Variants in ZNF717 observed in about 807,000 individuals in gnomAD.
ZNF717 encodes zinc finger protein 717.
ZNF717 carries 9 observed loss-of-function variants against 13.8 expected under a neutral mutation model. That is an observed-to-expected ratio of 0.65 (90% CI 0.39 to 1.14). The LOEUF (loss-of-function observed/expected upper bound fraction) is 1.14, where lower values mean the gene tolerates loss of function less well. Among genes scored for constraint, ZNF717 ranks in the 50% most tolerant of loss-of-function variants. ZNF717 has a pLI of 0.01. For missense variants in ZNF717, 1,040 were observed against 1,080.7 expected (o/e 0.96, Z 0.53); for synonymous variants, 327 against 364.1 (o/e 0.90, Z 1.16).
intron 2 of ZNF717, among the ~76,000 whole-genome samples, chr3:75,754,144 C>A (rs1181258209): frequency 6.6e-6 from 1 of 152,242 alleles, no homozygotes; most frequent in Non-Finnish European, 1.5e-5. Flanking sequence ...GACTTTCCAG[C>A]CTCCAGATCT....
chr3:75,733,778 CAAAAA>C (rs56196464), downstream of ZNF717, among the ~76,000 whole-genome samples: 6 of 26,648 alleles, frequency 2.3e-4, no homozygotes, highest in African/African-American at 5.2e-4. Context: ...GACTCTATCT[CAAAAA>C]AAAAAAAAAA....
chr3:75,771,995 C>T (rs1201642102), intron 2 of ZNF717, among the ~76,000 whole-genome samples: 1 of 152,230 alleles, frequency 6.6e-6, no homozygotes, highest in Non-Finnish European at 1.5e-5. Context: ...TGCCAGCCCC[C>T]TGTCACCTCG....
intron 4 of ZNF717, among the ~76,000 whole-genome samples, chr3:75,723,381 T>C (rs1178659301): frequency 2.7e-5 from 4 of 150,484 alleles, no homozygotes; most frequent in African/African-American, 9.8e-5. Flanking sequence ...TCCCCAGTAA[T>C]AGACTGTGGG....
At chr3:75,768,146 G>A (rs994724715) in intron 2 of ZNF717, among the ~76,000 whole-genome samples, 5 of 151,496 alleles carry the variant, frequency 3.3e-5, no homozygotes, top group African/African-American at 1.2e-4. Flanking sequence ...CCGTTAGACA[G>A]GGCCTGCAGG....
chr3:75,706,452 C>T (rs76389814), downstream of ZNF717, among the ~76,000 whole-genome samples: 1 of 152,302 alleles, frequency 6.6e-6, no homozygotes, highest in East Asian at 1.9e-4. Context: ...AAGCAAATCT[C>T]CCAAGAGGCC....
intron 4 of ZNF717, among the ~76,000 whole-genome samples, chr3:75,719,209 T>G (rs78541990): frequency 1.3e-5 from 2 of 151,564 alleles, no homozygotes; most frequent in South Asian, 4.2e-4. Context: ...GTGGGAGGAT[T>G]GCTTGAGCTC....
chr3:75,711,868 A>T (rs376846826), intron 5 of ZNF717, among the ~76,000 whole-genome samples: 2 of 152,266 alleles, frequency 1.3e-5, no homozygotes, highest in African/African-American at 4.8e-5. Flanking sequence ...ACTGTGAATG[A>T]CAAAAACTTG....
At chr3:75,773,335 C>A (rs1047561243) in intron 2 of ZNF717, among the ~76,000 whole-genome samples, 10 of 152,214 alleles carry the variant, frequency 6.6e-5, no homozygotes, top group Non-Finnish European at 7.3e-5. Context: ...GCAGCAAAGT[C>A]TTACAGAAAC....
rs372487296 is a variant in ZNF717 at position 75,722,120 on chromosome 3, C to T, written n.545-5579G>A. On this transcript the variant is annotated intron_variant and non_coding_transcript_variant, in intron 4 of 5. Transcript: ENST00000491507. ...AAAAAAAAAAAAAAAATTAGCTGGG[C>T]GTGGTGGTGGGCGCCTGTAGTCCCA... 5.3e-3 allele frequency among the ~76,000 whole-genome samples: 794 copies of T among 148,894 alleles called. 10 individuals carry two copies. Among genetic ancestry groups the T allele is most frequent in the African/African-American group, 0.019 (773 of 40,598 alleles).
At chr3:75,725,728 C>A (rs1449330238), downstream of ZNF717, among the ~76,000 whole-genome samples, 5 of 152,308 alleles carry the variant, frequency 3.3e-5, no homozygotes, top group East Asian at 9.7e-4. Flanking sequence ...TCCCTCCATA[C>A]AACCATCAGA....
chr3:75,759,837 G>A (rs74627278), intron 2 of ZNF717, among the ~76,000 whole-genome samples: 5,835 of 90,596 alleles, frequency 0.064, no homozygotes, highest in Non-Finnish European at 0.087. Flanking sequence ...CCAAAGTGCT[G>A]GGATTACAGG....
exon 6 of ZNF717, chr3:75,730,551 T>A (rs1938469849): frequency 1.4e-6 from 1 of 694,818 alleles, no homozygotes. Flanking sequence ...ATATCTGAGG[T>A]CCCATACGTA....
chr3:75,742,452 G>C (rs1352715564), intron 2 of ZNF717, among the ~76,000 whole-genome samples: 17 of 133,626 alleles, frequency 1.3e-4, no homozygotes, highest in African/African-American at 4.7e-4. Context: ...GTTCAATGCA[G>C]ACTAAGATAA....
chr3:75,773,476 A>G (rs2107662495), intron 2 of ZNF717, among the ~76,000 whole-genome samples: 1 of 152,350 alleles, frequency 6.6e-6, no homozygotes, highest in East Asian at 1.9e-4. Flanking sequence ...AAGCTTCTAA[A>G]AAGATTTAGA....
intron 6 of ZNF717, among the ~76,000 whole-genome samples, chr3:75,695,446 C>T (rs1255268657): frequency 2.6e-5 from 4 of 152,414 alleles, no homozygotes; most frequent in African/African-American, 7.2e-5. Flanking sequence ...AACAAAGAAA[C>T]ATCAGACTTA....
intron 5 of ZNF717, among the ~76,000 whole-genome samples, chr3:75,730,860 G>A (rs1213293776): frequency 6.6e-6 from 1 of 152,252 alleles, no homozygotes; most frequent in Non-Finnish European, 1.5e-5. Context: ...TCAGAGTCCT[G>A]AGGAGAAAAA....
intron 4 of ZNF717, among the ~76,000 whole-genome samples, chr3:75,719,177 C>CT (rs1282095540): frequency 4.0e-5 from 6 of 151,262 alleles, no homozygotes; most frequent in African/African-American, 1.5e-4. Flanking sequence ...TGCCTGTGGT[C>CT]TCAGGTACTT....
intron 2 of ZNF717, among the ~76,000 whole-genome samples, chr3:75,780,216 C>A (rs1944705198): frequency 6.6e-6 from 1 of 151,726 alleles, no homozygotes; most frequent in Non-Finnish European, 1.5e-5. Context: ...AAAACCGGAA[C>A]CCAAAACAAT....
At chr3:75,728,313 GGTTT>G (rs1392820771), downstream of ZNF717, among the ~76,000 whole-genome samples, 14 of 152,218 alleles carry the variant, frequency 9.2e-5, no homozygotes, top group African/African-American at 3.1e-4. Context: ...CACTTTAGGA[GGTTT>G]ATTTGCCAAC....
Sources: allele counts gnomAD v4.1 joint callset (sites outside exome capture counted in the v4.1 genomes callset), GRCh38; gene constraint gnomAD v4.1.1; transcripts MANE v1.5; gene names NCBI Gene and HGNC (gene_info 2026-07-23, HGNC 2026-07-21).